The following NCOR2 variants were observed in gnomAD, a reference collection of about 807,000 sequenced individuals.
NCOR2 encodes the protein nuclear receptor corepressor 2.
A neutral mutation model predicts 262.9 loss-of-function variants in NCOR2; 81 were observed. That is an observed-to-expected ratio of 0.31 (90% CI 0.26 to 0.37). The LOEUF (loss-of-function observed/expected upper bound fraction) is 0.37, where lower values mean the gene tolerates loss of function less well. Ranked by LOEUF, NCOR2 falls within the 10% of genes least tolerant of loss-of-function variation. NCOR2 has a pLI of 1.00. For missense variants in NCOR2, 3,385 were observed against 3,621.4 expected (o/e 0.93, Z 1.68); for synonymous variants, 1,659 against 1,559.3 (o/e 1.06, Z -1.51).
intron 1 of NCOR2, among the ~76,000 whole-genome samples, chr12:124,544,648 A>T (rs539659648): frequency 1.3e-5 from 2 of 152,126 alleles, no homozygotes; most frequent in Admixed American, 6.5e-5. Flanking sequence ...GCCCGGGCCC[A>T]GGGTAGGTCA....
At chr12:124,425,562 G>A (rs995580908) in intron 11 of NCOR2, among the ~76,000 whole-genome samples, 8 of 152,078 alleles carry the variant, frequency 5.3e-5, no homozygotes, top group Admixed American at 1.3e-4. Flanking sequence ...TCCCTAAGGC[G>A]TGGGGTGGCT....
intron 1 of NCOR2, among the ~76,000 whole-genome samples, chr12:124,491,041 A>G (rs1444131251): frequency 6.6e-6 from 1 of 152,244 alleles, no homozygotes; most frequent in Non-Finnish European, 1.5e-5. Flanking sequence ...AGGCCAAGGC[A>G]GCAGCGTCCA....
At chr12:124,556,075 T>A (rs1408051500) in intron 1 of NCOR2, 3 of 152,224 alleles carry the variant, frequency 2.0e-5, no homozygotes, top group Admixed American at 6.5e-5. Context: ...AGGCAAAACG[T>A]GGTTCTCCCA....
intron 23 of NCOR2, 124 bp downstream of exon 25, chr12:124,356,518 T>C (rs2135926365): frequency 2.3e-6 from 2 of 869,206 alleles, no homozygotes; most frequent in East Asian, 3.3e-5. Flanking sequence ...GACCAGGCTG[T>C]TCCTCCAGCC....
chr12:124,363,476 C>T (rs1438357567), intron 21 of NCOR2, among the ~76,000 whole-genome samples: 1 of 152,246 alleles, frequency 6.6e-6, no homozygotes, highest in Non-Finnish European at 1.5e-5. Flanking sequence ...CGCCAGTTCC[C>T]GCCTTCACTG....
At chr12:124,520,162 T>C (rs547172397) in intron 1 of NCOR2, among the ~76,000 whole-genome samples, 10 of 152,264 alleles carry the variant, frequency 6.6e-5, no homozygotes, top group African/African-American at 2.4e-4. Flanking sequence ...GAAACACCCC[T>C]GGGGGGTTTC....
At chr12:124,477,507 G>T (rs1296953381) in intron 3 of NCOR2, among the ~76,000 whole-genome samples, 1 of 152,224 alleles carries the variant, frequency 6.6e-6, no homozygotes, top group Non-Finnish European at 1.5e-5. Flanking sequence ...ATGAGTATGG[G>T]GGTCTCCTTT....
chr12:124,401,920 C>A (rs1032824542), intron 14 of NCOR2, among the ~76,000 whole-genome samples: 2 of 152,174 alleles, frequency 1.3e-5, no homozygotes, highest in African/African-American at 4.8e-5. Flanking sequence ...GCTGTCACGG[C>A]CCCCGCGGTG....
exon 32 of NCOR2, chr12:124,344,895 G>A (rs1226324212): frequency 2.5e-6 from 4 of 1,580,748 alleles, no homozygotes; most frequent in South Asian, 1.2e-5. Flanking sequence ...GGGAGCGTAC[G>A]TCGTGCTTTT....
chr12:124,536,814 C>A (rs1402037266), upstream of NCOR2, among the ~76,000 whole-genome samples: 1 of 152,222 alleles, frequency 6.6e-6, no homozygotes, highest in Non-Finnish European at 1.5e-5. Flanking sequence ...CTTTGTCAGA[C>A]AGACATGAAA....
At chr12:124,364,396 C>T (rs2038854694) in intron 20 of NCOR2, among the ~76,000 whole-genome samples, 1 of 152,224 alleles carries the variant, frequency 6.6e-6, no homozygotes, top group Non-Finnish European at 1.5e-5. Context: ...GCACCCACTT[C>T]CTAGACTCTC....
chr12:124,501,444 C>A (rs1041644860), intron 1 of NCOR2, among the ~76,000 whole-genome samples: 2 of 152,180 alleles, frequency 1.3e-5, no homozygotes, highest in Non-Finnish European at 2.9e-5. Context: ...GTTCTGGAGG[C>A]CTCGAGTCCA....
Position 124,466,180 on chromosome 12 carries a change from T to A in NCOR2, c.698A>T (p.Glu233Val), listed in dbSNP as rs1309785791. Residue 233 changes from glutamate (E) to valine (V), a missense_variant, in exon 5 of 47, where the codon GAG becomes GTG. Glu to Val is a moderately radical substitution (Grantham distance 121). Transcript: ENST00000405201. ...CAGGGCGGGGACACATACCCGGTTC[T>A]CGTCGTAGATGATCTGCACCAGGCT... is the stretch of plus-strand genomic sequence containing the variant. 3 of 1,607,278 alleles carry A rather than the reference T, an allele frequency of 1.9e-6. No homozygotes were observed. The African/African-American group carries it at 4.0e-5, about 22-fold the overall frequency.
chr12:124,530,916 G>A (rs2050740486), intron 1 of NCOR2, among the ~76,000 whole-genome samples: 1 of 152,206 alleles, frequency 6.6e-6, no homozygotes, highest in Admixed American at 6.5e-5. Context: ...TTGTAACCCT[G>A]ACAAACACAA....
intron 6 of NCOR2, 85 bp from the exon 9 acceptor site, chr12:124,449,952 C>T: frequency 1.4e-6 from 2 of 1,409,248 alleles, no homozygotes. Flanking sequence ...ACAGCCCTGG[C>T]ACGGAGGAGC....
At chr12:124,371,446 T>G (rs927525213) in intron 20 of NCOR2, among the ~76,000 whole-genome samples, 1 of 152,162 alleles carries the variant, frequency 6.6e-6, no homozygotes, top group African/African-American at 2.4e-5. Context: ...CTGCACTAGA[T>G]TAGGACAGCT....
intron 27 of NCOR2, among the ~76,000 whole-genome samples, chr12:124,351,161 G>A (rs1393224145): frequency 6.6e-6 from 1 of 152,172 alleles, no homozygotes; most frequent in Non-Finnish European, 1.5e-5. Context: ...CCACCACTGC[G>A]TGGGGTCTAC....
At chr12:124,334,372 C>A in intron 41 of NCOR2, 52 bp downstream of exon 43, 1 of 1,360,286 alleles carries the variant, frequency 7.4e-7, no homozygotes, top group South Asian at 1.3e-5. Flanking sequence ...AGGCAGCTGA[C>A]GAAGGCCTCC....
At chr12:124,462,636 G>C (rs2046228382) in intron 5 of NCOR2, among the ~76,000 whole-genome samples, 1 of 152,226 alleles carries the variant, frequency 6.6e-6, no homozygotes, top group South Asian at 2.1e-4. Flanking sequence ...GTGGGGGCCT[G>C]GCCCAGGATG....
Sources: allele counts gnomAD v4.1 joint callset (sites outside exome capture counted in the v4.1 genomes callset), GRCh38; gene constraint gnomAD v4.1.1; transcripts MANE v1.5; gene names NCBI Gene and HGNC (gene_info 2026-07-23, HGNC 2026-07-21).